The following CDH18 variants were observed in gnomAD, a reference collection of about 807,000 sequenced individuals.
The protein encoded by CDH18 is cadherin-18.
In CDH18, 31 loss-of-function variants were observed where a neutral mutation model predicts 67.9. The ratio of observed to expected loss-of-function variants is 0.46; its 90% CI spans 0.34 to 0.62. CDH18 has a LOEUF of 0.62. Among genes scored for constraint, CDH18 ranks in the 20% least tolerant of loss-of-function variants. The pLI is 0.01. For synonymous variants in CDH18, 362 were observed against 347.2 expected, an observed-to-expected ratio of 1.04 and a Z score of -0.48; for missense variants, 890 against 975.5, an observed-to-expected ratio of 0.91 and a Z score of 1.17.
chr5:20,134,365 C>A (rs1173719113), intron 2 of CDH18, among the ~76,000 whole-genome samples: 1 of 152,140 alleles, frequency 6.6e-6, no homozygotes, highest in African/African-American at 2.4e-5. Flanking sequence ...TTTCTACTTA[C>A]ATACAATCAA....
At chr5:20,246,020 A>G (rs1743349575) in intron 2 of CDH18, among the ~76,000 whole-genome samples, 3 of 152,226 alleles carry the variant, frequency 2.0e-5, no homozygotes, top group African/African-American at 2.4e-5. Context: ...AAGAAAGACT[A>G]CCACAATTTG....
chr5:19,481,743 A>T (rs1739454335), intron 12 of CDH18, among the ~76,000 whole-genome samples: 1 of 152,224 alleles, frequency 6.6e-6, no homozygotes, highest in Non-Finnish European at 1.5e-5. Context: ...ATTTGTCTTC[A>T]ACCCCAGGAA....
At chr5:19,862,031 T>C (rs1350146503) in intron 2 of CDH18, among the ~76,000 whole-genome samples, 2 of 152,092 alleles carry the variant, frequency 1.3e-5, no homozygotes, top group Non-Finnish European at 2.9e-5. Context: ...GAATTCGACA[T>C]AGGTGGAAAA....
intron 1 of CDH18, among the ~76,000 whole-genome samples, chr5:20,321,180 A>C (rs1248881979): frequency 6.6e-6 from 1 of 151,976 alleles, no homozygotes; most frequent in South Asian, 2.1e-4. Flanking sequence ...TTAAAACAAG[A>C]TTTTCTCTAG....
rs911883274 is a variant in CDH18, at chr5:20,010,078, G to A, written c.-517-18064C>T. ...TCCTCTTCTTGGGAGATCTGTCAAC[G>A]GAGACTCCAGATATTTCCATACATG... is the stretch of plus-strand genomic sequence containing the variant. On this transcript the variant is annotated intron_variant, in intron 2 of 14. Transcript: ENST00000507958. Among the ~76,000 whole-genome samples, 7 of 149,592 alleles carry A rather than the reference G, an allele frequency of 4.7e-5. No individual in the cohort carries two copies. In the South Asian group the frequency reaches 1.3e-3, roughly 28 times the overall value.
intron 2 of CDH18, among the ~76,000 whole-genome samples, chr5:20,221,644 G>A (rs1161531692): frequency 6.6e-6 from 1 of 151,958 alleles, no homozygotes; most frequent in Non-Finnish European, 1.5e-5. Flanking sequence ...CACAAAGAAA[G>A]AATACATTCT....
chr5:19,920,005 ATTGC>A, intron 2 of CDH18, among the ~76,000 whole-genome samples: 1 of 152,280 alleles, frequency 6.6e-6, no homozygotes, highest in East Asian at 1.9e-4. Context: ...GGCCTAATAA[ATTGC>A]AAAATCTATA....
intron 3 of CDH18, among the ~76,000 whole-genome samples, chr5:19,770,357 G>C (rs1160769859): frequency 1.3e-5 from 2 of 151,852 alleles, no homozygotes; most frequent in African/African-American, 4.8e-5. Flanking sequence ...TTGATTTCAG[G>C]TCTCACAAGA....
intron 1 of CDH18, among the ~76,000 whole-genome samples, chr5:20,473,477 A>T (rs960047211): frequency 6.6e-6 from 1 of 152,016 alleles, no homozygotes; most frequent in African/African-American, 2.4e-5. Flanking sequence ...CTATGACTTC[A>T]CTAATTTCCT....
At chr5:19,754,932 G>C (rs1771331028) in intron 3 of CDH18, among the ~76,000 whole-genome samples, 2 of 151,944 alleles carry the variant, frequency 1.3e-5, no homozygotes, top group Admixed American at 1.3e-4. Flanking sequence ...AAAACAAAAG[G>C]ATGGAAATTG....
intron 2 of CDH18, among the ~76,000 whole-genome samples, chr5:20,157,862 G>C (rs572006196): frequency 6.6e-5 from 10 of 151,876 alleles, no homozygotes; most frequent in South Asian, 2.1e-4. Context: ...GGATGGTCTC[G>C]ATCTCCTGAC....
intron 2 of CDH18, among the ~76,000 whole-genome samples, chr5:20,229,590 T>G (rs138854419): frequency 2.0e-5 from 3 of 152,294 alleles, no homozygotes; most frequent in African/African-American, 7.2e-5. Context: ...ATTAAAAAAG[T>G]AATTTTTCTA....
At chr5:20,373,147 C>T (rs1027536005) in intron 1 of CDH18, among the ~76,000 whole-genome samples, 1 of 152,208 alleles carries the variant, frequency 6.6e-6, no homozygotes, top group Non-Finnish European at 1.5e-5. Context: ...TACAAATTCA[C>T]ACTGATTATA....
chr5:20,308,079 C>CTTTTTTTTTTTTTTTTTTT (rs759117114), intron 1 of CDH18, among the ~76,000 whole-genome samples: 1 of 85,434 alleles, frequency 1.2e-5, no homozygotes, highest in African/African-American at 5.4e-5. Context: ...AATACTACTG[C>CTTTTTTTTTTTTTTTTTTT]TTTTTTTTTT....
At chr5:20,351,709 TC>T (rs1741199071) in intron 1 of CDH18, among the ~76,000 whole-genome samples, 3 of 152,206 alleles carry the variant, frequency 2.0e-5, no homozygotes, top group African/African-American at 7.2e-5. Flanking sequence ...AACAGAGAAC[TC>T]CCGTGGCTGT....
chr5:20,522,242 A>G (rs2126525147), intron 1 of CDH18, among the ~76,000 whole-genome samples: 1 of 152,306 alleles, frequency 6.6e-6, no homozygotes, highest in Admixed American at 6.5e-5. Context: ...CTTCACTATG[A>G]GAAATTAAAT....
At chr5:19,883,611 T>C (rs1787897527) in intron 2 of CDH18, among the ~76,000 whole-genome samples, 1 of 152,158 alleles carries the variant, frequency 6.6e-6, no homozygotes, top group Admixed American at 6.6e-5. Flanking sequence ...AATATTACAT[T>C]TTATTTGTTC....
At chr5:19,510,753 A>G (rs1366778557) in intron 10 of CDH18, among the ~76,000 whole-genome samples, 3 of 151,908 alleles carry the variant, frequency 2.0e-5, no homozygotes, top group Admixed American at 6.6e-5. Flanking sequence ...AGGTAATTGG[A>G]TCATGAGGGT....
intron 3 of CDH18, among the ~76,000 whole-genome samples, chr5:19,774,808 CAAAAAAAAAAAAAAAAAAAAAAAAAAAAA>C (rs59248561): frequency 8.5e-5 from 3 of 35,416 alleles, no homozygotes; most frequent in South Asian, 1.9e-3. Context: ...GACTCTGTCT[CAAAAAAAAAAAAAAAAAAAAAAAAAAAAA>C]AAAAAAAAAA....
Sources: allele counts gnomAD v4.1 joint callset (sites outside exome capture counted in the v4.1 genomes callset), GRCh38; gene constraint gnomAD v4.1.1; transcripts MANE v1.5; gene names NCBI Gene and HGNC (gene_info 2026-07-23, HGNC 2026-07-21).